GLIS3: variants seen among roughly 807,000 people sequenced by gnomAD.
GLIS3 encodes zinc finger protein GLIS3.
In GLIS3, 53 loss-of-function variants were observed where a neutral mutation model predicts 78.6. The observed-to-expected ratio is 0.67, with a 90% CI of 0.54 to 0.85. The LOEUF (loss-of-function observed/expected upper bound fraction) is 0.85. Ranked by LOEUF, GLIS3 falls within the 40% of genes least tolerant of loss-of-function variation. The pLI, the probability that GLIS3 is intolerant of heterozygous loss-of-function variation, is 0.00. For missense variants in GLIS3, 1,703 were observed against 1,231.1 expected (o/e 1.38, Z -5.74); for synonymous variants, 684 against 509.9 (o/e 1.34, Z -4.60).
intron 1 of GLIS3, among the ~76,000 whole-genome samples, chr9:4,293,671 C>T (rs995253769): frequency 3.9e-5 from 6 of 152,230 alleles, no homozygotes; most frequent in Non-Finnish European, 7.3e-5. Flanking sequence ...GTACAATATT[C>T]AGCAGGCCTA....
the GLIS3 span, among the ~76,000 whole-genome samples, chr9:4,432,263 G>T: frequency 4.6e-5 from 7 of 152,180 alleles, no homozygotes; most frequent in Non-Finnish European, 4.4e-5. Context: ...AAATGATAAA[G>T]TACCTTTAGT....
At chr9:4,319,611 C>A (rs1817491810) in intron 2 of GLIS3, among the ~76,000 whole-genome samples, 1 of 152,030 alleles carries the variant, frequency 6.6e-6, no homozygotes, top group African/African-American at 2.4e-5. Context: ...CTCACTGTCA[C>A]CTCAAACTCC....
intron 4 of GLIS3, among the ~76,000 whole-genome samples, chr9:3,996,814 A>C (rs865845464): frequency 6.6e-6 from 1 of 152,238 alleles, no homozygotes; most frequent in Non-Finnish European, 1.5e-5. Context: ...GAAAGATGAC[A>C]TGTGTTAATA....
chr9:4,215,648 T>C (rs927221863), intron 2 of GLIS3, among the ~76,000 whole-genome samples: 12 of 152,220 alleles, frequency 7.9e-5, no homozygotes, highest in African/African-American at 2.9e-4. Flanking sequence ...TCAATTCCCA[T>C]GCAATGAATG....
chr9:4,265,869 A>T (rs1203420021), intron 2 of GLIS3, among the ~76,000 whole-genome samples: 1 of 151,746 alleles, frequency 6.6e-6, no homozygotes, highest in African/African-American at 2.4e-5. Flanking sequence ...CCAAAAGCAG[A>T]ATGTTTTAGT....
At chr9:3,964,235 G>C (rs544429115) in intron 4 of GLIS3, among the ~76,000 whole-genome samples, 1 of 152,268 alleles carries the variant, frequency 6.6e-6, no homozygotes, top group Admixed American at 6.5e-5. Flanking sequence ...GCCTTTTGTA[G>C]ACAGAAAGAT....
the GLIS3 span, among the ~76,000 whole-genome samples, chr9:4,476,129 G>A: frequency 6.6e-6 from 1 of 152,064 alleles, no homozygotes; most frequent in Non-Finnish European, 1.5e-5. Context: ...TTAAAAACCA[G>A]TTTCTGACAT....
chr9:4,004,689 A>T (rs562952534), intron 4 of GLIS3, among the ~76,000 whole-genome samples: 1 of 152,226 alleles, frequency 6.6e-6, no homozygotes, highest in African/African-American at 2.4e-5. Flanking sequence ...GGTACTGCTT[A>T]TTAGCCCTAA....
chr9:4,086,639 T>G (rs1260355330), intron 4 of GLIS3, among the ~76,000 whole-genome samples: 1 of 152,200 alleles, frequency 6.6e-6, no homozygotes, highest in Non-Finnish European at 1.5e-5. Context: ...GAGACGGACT[T>G]TCCACTGTAT....
intron 2 of GLIS3, among the ~76,000 whole-genome samples, chr9:4,183,409 A>G (rs1422623282): frequency 6.6e-6 from 1 of 152,186 alleles, no homozygotes; most frequent in Non-Finnish European, 1.5e-5. Flanking sequence ...ATTCTGAGCA[A>G]AGACTCCATG....
chr9:4,322,347 A>G (rs1161029283), intron 2 of GLIS3, among the ~76,000 whole-genome samples: 1 of 152,198 alleles, frequency 6.6e-6, no homozygotes, highest in East Asian at 1.9e-4. Flanking sequence ...ATATGTGTGC[A>G]TGTGTCTTTA....
chr9:4,409,397 C>G, the GLIS3 span, among the ~76,000 whole-genome samples: 2,385 of 152,208 alleles, frequency 0.016, 21 homozygotes, highest in Middle Eastern at 0.092. Flanking sequence ...GTAGATATTA[C>G]TATAATATAC....
chr9:4,476,460 C>G, the GLIS3 span, among the ~76,000 whole-genome samples: 1 of 152,096 alleles, frequency 6.6e-6, no homozygotes, highest in African/African-American at 2.4e-5. Context: ...CTCCTGGGTT[C>G]AAGCGATCCT....
intron 4 of GLIS3, among the ~76,000 whole-genome samples, chr9:4,108,636 A>G (rs975480655): frequency 1.3e-5 from 2 of 152,194 alleles, no homozygotes; most frequent in Admixed American, 1.3e-4. Flanking sequence ...AAGAGTCAGC[A>G]GTGACAATAT....
chr9:4,039,415 A>C (rs892626790), intron 4 of GLIS3, among the ~76,000 whole-genome samples: 1 of 152,196 alleles, frequency 6.6e-6, no homozygotes, highest in African/African-American at 2.4e-5. Context: ...TCTTCCAGAC[A>C]ATGTATTTCC....
chr9:4,281,521 G>C (rs1827550293), intron 2 of GLIS3, among the ~76,000 whole-genome samples: 1 of 152,124 alleles, frequency 6.6e-6, no homozygotes, highest in Non-Finnish European at 1.5e-5. Flanking sequence ...TCATACAAAA[G>C]GAATCATACA....
the GLIS3 span, among the ~76,000 whole-genome samples, chr9:4,355,784 A>T: frequency 7.7e-4 from 118 of 152,298 alleles, 1 homozygote; most frequent in East Asian, 0.022. Flanking sequence ...CCAACTGAGC[A>T]TTGCACCTAT....
At chr9:4,016,201 C>G (rs75167614) in intron 4 of GLIS3, among the ~76,000 whole-genome samples, 1,602 of 152,256 alleles carry the variant, frequency 0.011, 39 homozygotes, top group African/African-American at 0.036. Context: ...CCAAACACCC[C>G]TCACCCAGAA....
chr9:4,074,977 C>G (rs1827921715), intron 4 of GLIS3, among the ~76,000 whole-genome samples: 2 of 152,110 alleles, frequency 1.3e-5, no homozygotes, highest in Non-Finnish European at 2.9e-5. Flanking sequence ...TAGGGAGCAG[C>G]ATAGAGTTTT....
Sources: allele counts gnomAD v4.1 joint callset (sites outside exome capture counted in the v4.1 genomes callset), GRCh38; gene constraint gnomAD v4.1.1; transcripts MANE v1.5; gene names NCBI Gene and HGNC (gene_info 2026-07-23, HGNC 2026-07-21).